AGK: variants seen among roughly 807,000 people sequenced by gnomAD.
AGK encodes acylglycerol kinase.
AGK carries 52 observed loss-of-function variants against 66.4 expected under a neutral mutation model. That is an observed-to-expected ratio of 0.78 (90% CI 0.63 to 0.99). The LOEUF (loss-of-function observed/expected upper bound fraction) is 0.99. AGK is among the 50% of genes least tolerant of loss of function. AGK has a pLI of 0.00. For missense variants in AGK, 451 were observed against 506.6 expected (o/e 0.89, Z 1.05); for synonymous variants, 182 against 181.1 (o/e 1.00, Z -0.04).
At chr7:141,608,036 T>A (rs796727058) in intron 5 of AGK, among the ~76,000 whole-genome samples, 3 of 152,324 alleles carry the variant, frequency 2.0e-5, no homozygotes, top group African/African-American at 7.2e-5. Flanking sequence ...AAATATTTAT[T>A]TAGTGCCCAC....
intron 5 of AGK, among the ~76,000 whole-genome samples, chr7:141,610,830 A>G (rs1195061179): frequency 1.3e-5 from 2 of 152,236 alleles, no homozygotes; most frequent in East Asian, 3.9e-4. Flanking sequence ...TTGTCATTAC[A>G]TCTGCTTCTT....
At chr7:141,567,507 G>C (rs1416735733) in intron 2 of AGK, among the ~76,000 whole-genome samples, 3 of 151,806 alleles carry the variant, frequency 2.0e-5, no homozygotes, top group Admixed American at 2.0e-4. Flanking sequence ...AAAAAAGTCT[G>C]TGATATTTTT....
At chr7:141,562,364 T>C (rs1459828609) in intron 2 of AGK, among the ~76,000 whole-genome samples, 2 of 152,260 alleles carry the variant, frequency 1.3e-5, no homozygotes, top group South Asian at 2.1e-4. Context: ...TTGCCATAAG[T>C]TGGGGCAAGT....
At chr7:141,640,054 T>G (rs1797254844) in intron 11 of AGK, among the ~76,000 whole-genome samples, 1 of 152,126 alleles carries the variant, frequency 6.6e-6, no homozygotes, top group Non-Finnish European at 1.5e-5. Context: ...TTGGTGCAGT[T>G]AGGTCTTCAG....
chr7:141,560,954 C>G (rs1795334060), intron 2 of AGK, among the ~76,000 whole-genome samples: 1 of 152,162 alleles, frequency 6.6e-6, no homozygotes, highest in Admixed American at 6.5e-5. Flanking sequence ...CCACCGCACC[C>G]AGCTAATTTT....
chr7:141,622,386 G>A (rs1314160962), intron 9 of AGK, among the ~76,000 whole-genome samples: 4 of 152,094 alleles, frequency 2.6e-5, no homozygotes, highest in Non-Finnish European at 5.9e-5. Context: ...CAAATTGAAC[G>A]TCTGTGGCAA....
Position 141,559,219 on chromosome 7 carries a change from A to C in AGK, c.101+3652A>C, listed in dbSNP as rs560891449. Among the ~76,000 whole-genome samples the C allele has an allele frequency of 8.9e-4, 136 of 152,074 alleles. 1 individual carries two copies. The highest frequency in any genetic ancestry group is 3.2e-3 in the African/African-American group (132 of 41,486). On this transcript the variant is annotated intron_variant, in intron 2 of 15. Transcript: ENST00000649286. ...ATCCAGTGTCATGAAGCTTTTCCCT[A>C]TGTTTTCTTCTAGGAGTTTTATATT...
intron 9 of AGK, among the ~76,000 whole-genome samples, chr7:141,631,096 T>TA (rs1293344028): frequency 6.6e-6 from 1 of 152,210 alleles, no homozygotes; most frequent in Non-Finnish European, 1.5e-5. Flanking sequence ...TTGGCTCATG[T>TA]AAAAGCTTTA....
intron 5 of AGK, among the ~76,000 whole-genome samples, chr7:141,605,833 A>G (rs1284723951): frequency 6.6e-6 from 1 of 152,216 alleles, no homozygotes; most frequent in African/African-American, 2.4e-5. Flanking sequence ...TTTCTACCTT[A>G]GGCTTTGTCT....
In AGK at chr7:141,651,477, T is replaced by G. The variant is rs1797555143; in HGVS notation, c.1047-48T>G. 25 of 1,520,298 alleles carry G rather than the reference T, an allele frequency of 1.6e-5. No homozygotes were observed. The East Asian group carries it at 5.4e-4, about 33-fold the overall frequency. The allele number at this position is 1,520,298 out of a possible 1,614,324, so 94.2% of individuals were successfully genotyped here. On this transcript the variant is annotated intron_variant, in intron 14 of 15. Coordinates refer to ENST00000649286, the MANE Select transcript of AGK (RefSeq NM_018238.4). ...AAGTTGCTACATTGTTGCAACCTAG[T>G]GCAGTTGCCATCACTGGTCTTAAGC...
Position 141,651,755 on chromosome 7 carries a change from A to G in AGK, c.1131+146A>G, listed in dbSNP as rs1304687282. The G allele has an allele frequency of 6.8e-6, 5 of 735,824 alleles. No individual in the cohort carries two copies. In the Middle Eastern group the frequency reaches 9.0e-4, roughly 132 times the overall value. 45.6% of individuals were successfully genotyped at this position (735,824 alleles called of 1,614,324 possible). On this transcript the variant is annotated intron_variant, in intron 15 of 15. Transcript: ENST00000649286. ...CAAGCATTTTGCCAGGCTCTGGGTC[A>G]TATTAGCGGGGAGCTGAAAAGGATG...
At chr7:141,627,326 G>A (rs1796959375) in intron 9 of AGK, among the ~76,000 whole-genome samples, 1 of 152,080 alleles carries the variant, frequency 6.6e-6, no homozygotes, top group Non-Finnish European at 1.5e-5. Context: ...GGAAGGCAAA[G>A]CTGCGAAGTA....
intron 2 of AGK, among the ~76,000 whole-genome samples, chr7:141,566,525 C>T (rs764993265): frequency 3.9e-5 from 6 of 152,176 alleles, no homozygotes; most frequent in Non-Finnish European, 5.9e-5. Context: ...ACCCTAAATT[C>T]ATAGGTTACT....
chr7:141,649,187 T>C, intron 13 of AGK, 76 bp from the exon 14 acceptor site: 1 of 869,910 alleles, frequency 1.1e-6, no homozygotes, highest in Admixed American at 1.8e-5. Context: ...CTATGAACCA[T>C]CAAAGCTGAG....
intron 2 of AGK, among the ~76,000 whole-genome samples, chr7:141,575,589 TTCCAA>T (rs375348390): frequency 4.6e-5 from 7 of 151,642 alleles, no homozygotes; most frequent in African/African-American, 1.5e-4. Flanking sequence ...CTAAGGACTC[TTCCAA>T]TCTGAAAAAC....
chr7:141,582,145 C>A (rs778236652), intron 2 of AGK, among the ~76,000 whole-genome samples: 5 of 152,014 alleles, frequency 3.3e-5, no homozygotes, highest in African/African-American at 1.2e-4. Context: ...GCCGGTTGGA[C>A]AGTCCAATTT....
At chr7:141,636,820 T>C (rs1025063632) in intron 10 of AGK, 140 bp from the exon 11 acceptor site, 1 of 599,580 alleles carries the variant, frequency 1.7e-6, no homozygotes, top group East Asian at 2.7e-5. Flanking sequence ...TCTTTTATAC[T>C]AAGCCATAAC....
At chr7:141,615,323 A>T in intron 7 of AGK, 148 bp from the exon 8 acceptor site, 1 of 519,232 alleles carries the variant, frequency 1.9e-6, no homozygotes, top group Non-Finnish European at 3.4e-6. Flanking sequence ...ACCTAGCTTT[A>T]TTTGATTACT....
At chr7:141,616,797 A>G (rs1260311774) in intron 8 of AGK, among the ~76,000 whole-genome samples, 1 of 136,882 alleles carries the variant, frequency 7.3e-6, no homozygotes, top group Admixed American at 8.1e-5. Flanking sequence ...CTCGCTCTGT[A>G]GCCCAGGCTG....
Sources: gnomAD v4.1 joint callset for allele counts (sites outside exome capture counted in the v4.1 genomes callset) on GRCh38, gnomAD v4.1.1 for gene constraint, MANE v1.5 for transcripts, NCBI Gene and HGNC (gene_info 2026-07-23, HGNC 2026-07-21) for gene names.